Variants in FER1L6 observed in about 807,000 individuals in gnomAD.
FER1L6 encodes the protein fer-1-like protein 6.
FER1L6 carries 177 observed loss-of-function variants against 219.2 expected under a neutral mutation model. The ratio of observed to expected loss-of-function variants is 0.81; its 90% CI spans 0.71 to 0.91. The LOEUF (loss-of-function observed/expected upper bound fraction) is 0.91. Among genes scored for constraint, FER1L6 ranks in the 40% least tolerant of loss-of-function variants. The pLI is 0.00. For synonymous variants in FER1L6, 768 were observed against 824.3 expected, an observed-to-expected ratio of 0.93 and a Z score of 1.17; for missense variants, 2,153 against 2,259.9, an observed-to-expected ratio of 0.95 and a Z score of 0.96.
intron 19 of FER1L6, among the ~76,000 whole-genome samples, chr8:124,038,127 T>C (rs890567380): frequency 6.6e-6 from 1 of 152,210 alleles, no homozygotes; most frequent in African/African-American, 2.4e-5. Flanking sequence ...AGACTCTAGA[T>C]AAACTGGACT....
At chr8:124,047,024 T>C (rs1044452492) in intron 21 of FER1L6, among the ~76,000 whole-genome samples, 2 of 152,254 alleles carry the variant, frequency 1.3e-5, no homozygotes, top group Non-Finnish European at 2.9e-5. Context: ...GCATGTAGTA[T>C]AGATGCTCTG....
chr8:124,011,559 C>T (rs1817923558), intron 14 of FER1L6, among the ~76,000 whole-genome samples: 1 of 151,900 alleles, frequency 6.6e-6, no homozygotes, highest in South Asian at 2.1e-4. Flanking sequence ...CTGTGTTGCC[C>T]AGGCTGGCCT....
intron 1 of FER1L6, among the ~76,000 whole-genome samples, chr8:123,920,884 TTC>T (rs960636364): frequency 8.5e-5 from 13 of 152,206 alleles, no homozygotes; most frequent in Non-Finnish European, 1.3e-4. Flanking sequence ...TACTTTCTGT[TTC>T]TCTGTTTCTA....
At chr8:124,070,188 T>C (rs888292245) in intron 29 of FER1L6, among the ~76,000 whole-genome samples, 5 of 152,210 alleles carry the variant, frequency 3.3e-5, no homozygotes, top group Non-Finnish European at 7.3e-5. Flanking sequence ...ATCAACTAGC[T>C]CTAAAAGGTT....
rs1343890333 is a variant in FER1L6 at position 124,050,283 on chromosome 8, T to G, written c.2874+527T>G. On this transcript the variant is annotated intron_variant, in intron 22 of 40. Coordinates refer to ENST00000522917, the MANE Select transcript of FER1L6 (RefSeq NM_001039112.2). ...ACCTTAGACCTTTAAGGCCTTTTGC[T>G]CCTTACACTATACAGTTTTGCAAAG... 2.0e-5 allele frequency among the ~76,000 whole-genome samples: 3 copies of G among 152,304 alleles called. No homozygotes were observed. The East Asian group carries it at 5.8e-4, about 29-fold the overall frequency.
At chr8:124,043,481 T>G (rs1329148723) in intron 20 of FER1L6, among the ~76,000 whole-genome samples, 1 of 152,202 alleles carries the variant, frequency 6.6e-6, no homozygotes, top group Non-Finnish European at 1.5e-5. Context: ...GCATAACTCT[T>G]TAAGAAAGCC....
At chr8:123,959,193 G>T (rs1036241996) in intron 2 of FER1L6, among the ~76,000 whole-genome samples, 72 of 152,150 alleles carry the variant, frequency 4.7e-4, no homozygotes, top group African/African-American at 1.5e-3. Context: ...AGAAGCTTTA[G>T]CTGACTGCCT....
intron 1 of FER1L6, among the ~76,000 whole-genome samples, chr8:123,870,254 A>G (rs951482567): frequency 4.6e-5 from 7 of 152,236 alleles, no homozygotes; most frequent in African/African-American, 1.7e-4. Flanking sequence ...TTTCTCACAA[A>G]GCTAAATATA....
chr8:124,038,368 T>C (rs560910402), intron 19 of FER1L6, among the ~76,000 whole-genome samples: 23 of 152,354 alleles, frequency 1.5e-4, no homozygotes, highest in African/African-American at 4.8e-4. Flanking sequence ...TAGTACTGTC[T>C]CCTATCTCAC....
intron 1 of FER1L6, among the ~76,000 whole-genome samples, chr8:123,902,012 C>T (rs888661224): frequency 6.6e-6 from 1 of 152,136 alleles, no homozygotes; most frequent in Non-Finnish European, 1.5e-5. Flanking sequence ...AGCCACCATG[C>T]CCAGCCCAAC....
intron 1 of FER1L6, among the ~76,000 whole-genome samples, chr8:123,893,776 G>A (rs1180050091): frequency 6.6e-6 from 1 of 152,182 alleles, no homozygotes; most frequent in African/African-American, 2.4e-5. Context: ...ATTTAGTGTG[G>A]ATAATCAAGC....
chr8:124,060,413 A>G, intron 23 of FER1L6, 123 bp downstream of exon 23: 1 of 1,431,154 alleles, frequency 7.0e-7, no homozygotes, highest in Non-Finnish European at 9.7e-7. Context: ...AGCCCTCAAA[A>G]AGCTGTGCAG....
chr8:123,904,909 G>A (rs1812924030), intron 1 of FER1L6, among the ~76,000 whole-genome samples: 2 of 152,158 alleles, frequency 1.3e-5, no homozygotes, highest in South Asian at 4.1e-4. Context: ...TAAACGTTTG[G>A]TAGTTTGAAA....
rs188423722 is a variant in FER1L6 at position 123,879,165 on chromosome 8, G to A, written c.-8+26980G>A. 4.2e-3 allele frequency among the ~76,000 whole-genome samples: 637 copies of A among 152,278 alleles called. 16 individuals are homozygous for A. The highest frequency in any genetic ancestry group is 0.03 in the Admixed American group (466 of 15,304). On this transcript the variant is annotated intron_variant, in intron 1 of 40. Coordinates refer to ENST00000522917, the MANE Select transcript of FER1L6 (RefSeq NM_001039112.2). Reference sequence around the variant, plus strand: ...TTTAAAAATAATAAATTAGCTGGGTGTGATGGCGTGCTCCCATAGTCCTAG... The same window carrying A: ...TTTAAAAATAATAAATTAGCTGGGTATGATGGCGTGCTCCCATAGTCCTAG...
At chr8:123,941,427 G>A (rs138663742) in intron 1 of FER1L6, among the ~76,000 whole-genome samples, 2 of 152,318 alleles carry the variant, frequency 1.3e-5, no homozygotes, top group African/African-American at 4.8e-5. Context: ...AGATCTGGAG[G>A]GAGGGAGCAT....
chr8:124,021,136 G>C (rs1818437324), intron 16 of FER1L6, among the ~76,000 whole-genome samples: 1 of 152,064 alleles, frequency 6.6e-6, no homozygotes, highest in Non-Finnish European at 1.5e-5. Context: ...ACTATCACGA[G>C]AACAAAATAA....
intron 7 of FER1L6, among the ~76,000 whole-genome samples, chr8:123,974,580 G>A (rs370934694): frequency 4.0e-4 from 58 of 144,998 alleles, no homozygotes; most frequent in African/African-American, 1.5e-3. Flanking sequence ...AGGTTGCAGT[G>A]AGCTAAGATC....
chr8:124,070,358 T>C, intron 29 of FER1L6, 109 bp from the exon 30 acceptor site: 1 of 1,223,184 alleles, frequency 8.2e-7, no homozygotes, highest in Non-Finnish European at 1.1e-6. Context: ...CCTCAGATTT[T>C]CCCAAGGGGC....
rs544363211 is a variant in FER1L6 at position 123,965,984 on chromosome 8, C to G, written c.198-23C>G. ...GGATATTCTTCCTTGATGAAACAAACATATTAAACTTTCTTTTAATAGATC... is the reference window on the plus strand; with the variant it reads ...GGATATTCTTCCTTGATGAAACAAAGATATTAAACTTTCTTTTAATAGATC... On this transcript the variant is annotated intron_variant, in intron 3 of 40. Coordinates refer to ENST00000522917, the MANE Select transcript of FER1L6 (RefSeq NM_001039112.2). 6 of 1,592,446 alleles carry G rather than the reference C, an allele frequency of 3.8e-6. No homozygotes were observed. The East Asian group carries it at 1.3e-4, about 36-fold the overall frequency.
Sources: allele counts gnomAD v4.1 joint callset (sites outside exome capture counted in the v4.1 genomes callset), GRCh38; gene constraint gnomAD v4.1.1; transcripts MANE v1.5; gene names NCBI Gene and HGNC (gene_info 2026-07-23, HGNC 2026-07-21).